MINDY3: variants seen among roughly 807,000 people sequenced by gnomAD.
MINDY3 encodes the protein ubiquitin carboxyl-terminal hydrolase MINDY-3.
In MINDY3, 38 loss-of-function variants were observed where a neutral mutation model predicts 69.2. The observed-to-expected ratio is 0.55, with a 90% confidence interval of 0.42 to 0.72. The LOEUF is 0.72. MINDY3 is among the 30% of genes least tolerant of loss of function. The pLI, the probability that MINDY3 is intolerant of heterozygous loss-of-function variation, is 0.00. For synonymous variants in MINDY3, 192 were observed against 180.1 expected, an observed-to-expected ratio of 1.07 and a Z score of -0.53; for missense variants, 522 against 519.0, an observed-to-expected ratio of 1.01 and a Z score of -0.06.
chr10:15,782,004 A>G (rs1836573339), intron 14 of MINDY3, 151 bp downstream of exon 14: 1 of 676,440 alleles, frequency 1.5e-6, no homozygotes, highest in African/African-American at 1.8e-5. Context: ...GTCAAATCCA[A>G]AGATGGCTGA....
At chr10:15,822,061 T>G (rs181586325) in intron 8 of MINDY3, among the ~76,000 whole-genome samples, 19 of 152,246 alleles carry the variant, frequency 1.2e-4, no homozygotes, top group African/African-American at 3.6e-4. Flanking sequence ...AAAAAGAGAC[T>G]CAATACCTAT....
chr10:15,786,536 G>A (rs754905294), intron 13 of MINDY3, 25 bp downstream of exon 13: 10 of 1,284,132 alleles, frequency 7.8e-6, no homozygotes, highest in Non-Finnish European at 1.1e-5. Flanking sequence ...GAATAACAAT[G>A]AATATATTTC....
Position 15,823,554 on chromosome 10 carries a change from A to G in MINDY3, c.731-1828T>C, listed in dbSNP as rs566872057. On this transcript the variant is annotated intron_variant, in intron 8 of 14. Transcript: ENST00000277632. The stretch of plus-strand genomic sequence containing the variant: ...TAAAAATGTTATTTATGTTAATATT[A>G]ATGAGTATATTTTGTTTTTTTCTAA... 5.9e-5 allele frequency among the ~76,000 whole-genome samples: 9 copies of G among 152,280 alleles called. No homozygotes were observed. The East Asian group carries it at 1.7e-3, about 29-fold the overall frequency.
At chr10:15,821,795 C>T (rs142156075) in intron 8 of MINDY3, 69 bp from the exon 9 acceptor site, 39 of 1,237,898 alleles carry the variant, frequency 3.2e-5, no homozygotes, top group African/African-American at 2.1e-4. Context: ...AAATTTGAAA[C>T]GTACTTATAT....
chr10:15,788,456 C>T (rs888666396), intron 12 of MINDY3, among the ~76,000 whole-genome samples: 1 of 152,050 alleles, frequency 6.6e-6, no homozygotes, highest in African/African-American at 2.4e-5. Context: ...AAAACGGTGT[C>T]TACCAATGTT....
At chr10:15,784,641 G>A (rs942069515) in intron 13 of MINDY3, among the ~76,000 whole-genome samples, 1 of 152,170 alleles carries the variant, frequency 6.6e-6, no homozygotes, top group Non-Finnish European at 1.5e-5. Flanking sequence ...GGAGGCTGAG[G>A]CAGGAGAATT....
At chr10:15,804,459 A>G (rs1838486679) in intron 10 of MINDY3, among the ~76,000 whole-genome samples, 1 of 152,194 alleles carries the variant, frequency 6.6e-6, no homozygotes, top group South Asian at 2.1e-4. Flanking sequence ...TTCATTACTG[A>G]AAAGGTCTTT....
intron 11 of MINDY3, among the ~76,000 whole-genome samples, chr10:15,791,613 T>C (rs1052655391): frequency 6.6e-5 from 10 of 151,864 alleles, no homozygotes; most frequent in South Asian, 6.2e-4. Context: ...TGCTGTTGGA[T>C]TGTGGCTGAA....
chr10:15,859,736 C>G (rs1468313589), intron 1 of MINDY3, among the ~76,000 whole-genome samples: 1 of 152,152 alleles, frequency 6.6e-6, no homozygotes, highest in Non-Finnish European at 1.5e-5. Context: ...AATGACAATA[C>G]AAACAAAAAA....
chr10:15,852,264 T>C (rs1425934072), intron 1 of MINDY3, among the ~76,000 whole-genome samples: 1 of 152,192 alleles, frequency 6.6e-6, no homozygotes. Flanking sequence ...GCTCAATTAA[T>C]GCTTGTTGAT....
chr10:15,779,102 C>G lies in MINDY3; in HGVS notation c.1228G>C (p.Glu410Gln), dbSNP rs1564443827. 5.6e-6 allele frequency: 9 copies of G among 1,613,458 alleles called. No homozygotes were observed. The highest frequency in any genetic ancestry group is 7.6e-6 in the Non-Finnish European group (9 of 1,179,762). Reference sequence around the variant, plus strand: ...TCATCTGTCTGTAGCATGGGATCTTCAAAACCCATCACAACTGCAGTCCCT... The same window carrying G: ...TCATCTGTCTGTAGCATGGGATCTTGAAAACCCATCACAACTGCAGTCCCT... Reference protein sequence around the residue: ...VEGTAVVMGFEDPMLQTDDTP... With the variant: ...VEGTAVVMGFQDPMLQTDDTP... The change falls in exon 15 of 15, where the codon GAA becomes CAA. Residue 410 changes from glutamate to glutamine, a missense_variant. By Grantham distance (29) the Glu-to-Gln change is conservative (BLOSUM62 2). Transcript: ENST00000277632.
chr10:15,813,701 T>C (rs986827679), intron 10 of MINDY3, among the ~76,000 whole-genome samples: 1 of 152,156 alleles, frequency 6.6e-6, no homozygotes, highest in African/African-American at 2.4e-5. Flanking sequence ...CCTGCAACTA[T>C]TACCACCTTC....
At chr10:15,857,750 A>G (rs1834795034) in intron 1 of MINDY3, among the ~76,000 whole-genome samples, 1 of 152,240 alleles carries the variant, frequency 6.6e-6, no homozygotes, top group Non-Finnish European at 1.5e-5. Flanking sequence ...ATTATCTAAA[A>G]ATGTCAAGCC....
chr10:15,846,100 G>C lies in MINDY3; in HGVS notation c.174+1764C>G, dbSNP rs187305720. ...GGCCTCCCAAAGTGCTGGGATTACA[G>C]GCATGAGCCACCACGCCTGGCCGTG... is the stretch of plus-strand genomic sequence containing the variant. On this transcript the variant is annotated intron_variant, in intron 2 of 14. Coordinates refer to ENST00000277632, the MANE Select transcript of MINDY3 (RefSeq NM_024948.4). Among the ~76,000 whole-genome samples the C allele has an allele frequency of 1.5e-3, 228 of 152,256 alleles. 2 individuals carry two copies. Among genetic ancestry groups the C allele is most frequent in the African/African-American group, 5.3e-3 (222 of 41,544 alleles).
At chr10:15,804,766 A>T (rs1462190159) in intron 10 of MINDY3, among the ~76,000 whole-genome samples, 8 of 152,166 alleles carry the variant, frequency 5.3e-5, no homozygotes, top group African/African-American at 1.7e-4. Flanking sequence ...TTTTAAGTCA[A>T]TTACATCATC....
At chr10:15,837,143 C>A in intron 6 of MINDY3, 61 bp downstream of exon 6, 4 of 868,124 alleles carry the variant, frequency 4.6e-6, no homozygotes, top group Non-Finnish European at 3.6e-6. Context: ...CTCATCACTG[C>A]AGGAAAAACA....
chr10:15,829,460 T>C (rs1168141792), intron 8 of MINDY3, among the ~76,000 whole-genome samples: 1 of 152,218 alleles, frequency 6.6e-6, no homozygotes, highest in African/African-American at 2.4e-5. Context: ...TTAATCGTGA[T>C]GTGCAGCCAA....
chr10:15,845,385 T>A (rs1168944581), intron 2 of MINDY3, among the ~76,000 whole-genome samples: 2 of 152,226 alleles, frequency 1.3e-5, no homozygotes, highest in African/African-American at 4.8e-5. Flanking sequence ...ATTTTTATAC[T>A]CTAAAAAAGT....
rs1836592617 is a variant in MINDY3 at position 15,782,163 on chromosome 10, T to C, written c.1180A>G (p.Asn394Asp). The change falls in exon 14 of 15, where the codon AAT (asparagine) becomes GAT (aspartate). Residue 394 changes from asparagine (N) to aspartate (D), a missense_variant. Transcript: ENST00000277632. Reference protein sequence around the residue: ...HYNGLKQSNYNEKVMYVEGTA... With the variant: ...HYNGLKQSNYDEKVMYVEGTA... ...TACGTGAATTATCATACCTTTTCAT[T>C]ATAATTTGACTGCTTCAATCCATTG... The C allele has an allele frequency of 6.2e-7, 1 of 1,606,926 alleles. No individual in the cohort carries two copies. Among genetic ancestry groups the C allele is most frequent in the African/African-American group, 1.3e-5 (1 of 74,680 alleles).
Sources: allele counts gnomAD v4.1 joint callset (sites outside exome capture counted in the v4.1 genomes callset), GRCh38; gene constraint gnomAD v4.1.1; transcripts MANE v1.5; gene names NCBI Gene and HGNC (gene_info 2026-07-23, HGNC 2026-07-21).